EYS: variants seen among roughly 807,000 people sequenced by gnomAD.
EYS encodes EGF-like photoreceptor maintenance factor.
Under a neutral mutation model 282.1 loss-of-function variants are expected in EYS, and 250 were observed. That is an observed-to-expected ratio of 0.89 (90% CI 0.80 to 0.98). The LOEUF (loss-of-function observed/expected upper bound fraction) is 0.98, where lower values mean the gene tolerates loss of function less well. Ranked by LOEUF, EYS falls within the 50% of genes least tolerant of loss-of-function variation. The probability of loss-of-function intolerance (pLI) is 0.00; values close to 1 mark genes in which losing one functional copy is unlikely to be tolerated. For missense variants in EYS, 4,016 were observed against 3,709.0 expected (o/e 1.08, Z -2.15); for synonymous variants, 1,355 against 1,282.9 (o/e 1.06, Z -1.20).
intron 22 of EYS, among the ~76,000 whole-genome samples, chr6:64,803,647 C>T (rs1764333744): frequency 6.6e-6 from 1 of 152,176 alleles, no homozygotes; most frequent in African/African-American, 2.4e-5. Flanking sequence ...GGGGCGTCTG[C>T]AGGTCCATAG....
intron 13 of EYS, among the ~76,000 whole-genome samples, chr6:65,045,194 T>C (rs1251668672): frequency 1.3e-5 from 2 of 151,910 alleles, no homozygotes; most frequent in Non-Finnish European, 2.9e-5. Flanking sequence ...TTTGTGTGTG[T>C]GCTCTCCTAA....
chr6:64,274,241 T>A (rs1373510427), intron 30 of EYS, among the ~76,000 whole-genome samples: 1 of 152,182 alleles, frequency 6.6e-6, no homozygotes, highest in Non-Finnish European at 1.5e-5. Flanking sequence ...AGTAGTGTGA[T>A]CTCAGCTCAC....
At chr6:64,770,714 G>A (rs1461335923) in intron 22 of EYS, among the ~76,000 whole-genome samples, 1 of 151,814 alleles carries the variant, frequency 6.6e-6, no homozygotes, top group Non-Finnish European at 1.5e-5. Flanking sequence ...ATATTTCTAG[G>A]TGAATTATTA....
intron 29 of EYS, among the ~76,000 whole-genome samples, chr6:64,367,933 C>A (rs181714652): frequency 5.9e-5 from 9 of 152,178 alleles, no homozygotes; most frequent in Admixed American, 6.5e-5. Flanking sequence ...AGCCTGACAT[C>A]TTCTACTTTT....
chr6:64,641,188 T>C (rs1184507922), intron 22 of EYS, among the ~76,000 whole-genome samples: 2 of 152,088 alleles, frequency 1.3e-5, no homozygotes, highest in Non-Finnish European at 2.9e-5. Context: ...CTCACAATCA[T>C]AGCAGAAGGC....
rs143063999 is a variant in EYS, at chr6:63,812,897, C to A, written c.7229-6525G>T. Among the ~76,000 whole-genome samples the A allele has an allele frequency of 6.6e-3, 998 of 152,208 alleles. 11 individuals are homozygous for A. Among genetic ancestry groups the A allele is most frequent in the Non-Finnish European group, 6.1e-3 (414 of 68,018 alleles). On this transcript the variant is annotated intron_variant, in intron 36 of 42. Transcript: ENST00000503581. Reference sequence around the variant, plus strand: ...GCAATAATATGGAATCTTAATTCTTCTAGTGTGGGTAAAAATTCAGATAAT... The same window carrying A: ...GCAATAATATGGAATCTTAATTCTTATAGTGTGGGTAAAAATTCAGATAAT...
intron 12 of EYS, among the ~76,000 whole-genome samples, chr6:65,229,851 T>C (rs1766723212): frequency 6.6e-6 from 1 of 151,942 alleles, no homozygotes; most frequent in Admixed American, 6.6e-5. Context: ...CAATTCTCCT[T>C]TATTGTGAGG....
At chr6:65,002,258 A>G (rs1771489247) in intron 13 of EYS, among the ~76,000 whole-genome samples, 1 of 147,708 alleles carries the variant, frequency 6.8e-6, no homozygotes, top group Non-Finnish European at 1.5e-5. Context: ...AAATGATACA[A>G]TACTGACTTA....
At chr6:65,676,746 A>C (rs1288529902) in intron 1 of EYS, among the ~76,000 whole-genome samples, 1 of 151,794 alleles carries the variant, frequency 6.6e-6, no homozygotes, top group Admixed American at 6.6e-5. Flanking sequence ...TAGATTAAAA[A>C]CACTAGAAAA....
intron 22 of EYS, among the ~76,000 whole-genome samples, chr6:64,643,735 T>C (rs1768253864): frequency 6.6e-6 from 1 of 152,212 alleles, no homozygotes. Context: ...TCATTAGATA[T>C]GATAGTTTTA....
chr6:65,001,634 C>G (rs1272149632), intron 13 of EYS, among the ~76,000 whole-genome samples: 2 of 146,648 alleles, frequency 1.4e-5, no homozygotes, highest in African/African-American at 2.5e-5. Flanking sequence ...GAGGATGCGG[C>G]CTTTGCCAGG....
Position 64,745,003 on chromosome 6 carries a change from A to T in EYS, c.3443+68375T>A, listed in dbSNP as rs144794791. On this transcript the variant is annotated intron_variant, in intron 22 of 42. Coordinates refer to ENST00000503581, the MANE Select transcript of EYS (RefSeq NM_001142800.2). Reference sequence around the variant, plus strand: ...ATTTTCTTACTTCTCTAAAACTCTCATAAGCAGCATGAGGGGAAACAGTGT... The same window carrying T: ...ATTTTCTTACTTCTCTAAAACTCTCTTAAGCAGCATGAGGGGAAACAGTGT... Among the ~76,000 whole-genome samples the T allele has an allele frequency of 1.1e-4, 16 of 152,256 alleles. No individual in the cohort carries two copies. The East Asian group carries it at 2.5e-3, about 24-fold the overall frequency.
intron 10 of EYS, among the ~76,000 whole-genome samples, chr6:65,337,750 T>C (rs1348174027): frequency 6.6e-6 from 1 of 150,926 alleles, no homozygotes; most frequent in Non-Finnish European, 1.5e-5. Context: ...GCCTAATGTA[T>C]TATTTCTGCA....
At chr6:65,326,286 TAG>T (rs1769618571) in intron 11 of EYS, among the ~76,000 whole-genome samples, 1 of 151,928 alleles carries the variant, frequency 6.6e-6, no homozygotes, top group Admixed American at 6.6e-5. Context: ...CATTGTCTTT[TAG>T]AAAGCGATAG....
chr6:64,071,662 A>G lies in EYS; in HGVS notation c.6572-5171T>C, dbSNP rs114653901. Among the ~76,000 whole-genome samples the G allele has an allele frequency of 4.3e-3, 645 of 149,424 alleles. 5 individuals are homozygous for G. Among genetic ancestry groups the G allele is most frequent in the African/African-American group, 0.015 (619 of 40,780 alleles). ...CATTAGGTATATCTCCTAATTAGGT[A>G]TATCTCCTAATTAGGGATACCTCCT... On this transcript the variant is annotated intron_variant, in intron 32 of 42. Transcript: ENST00000503581.
Position 64,437,790 on chromosome 6 carries a change from C to T in EYS, c.5835+1372G>A, listed in dbSNP as rs570958053. 2.2e-4 allele frequency among the ~76,000 whole-genome samples: 33 copies of T among 149,234 alleles called. No homozygotes were observed. The East Asian group carries it at 5.7e-3, about 26-fold the overall frequency. On this transcript the variant is annotated intron_variant, in intron 27 of 42. Coordinates refer to ENST00000503581, the MANE Select transcript of EYS (RefSeq NM_001142800.2). Reference sequence around the variant, plus strand: ...TCTCCCAGGCAGGAGTGCCATGGTGCTATATATATATACATATTATATTAC... The same window carrying T: ...TCTCCCAGGCAGGAGTGCCATGGTGTTATATATATATACATATTATATTAC...
At chr6:65,218,448 T>A (rs143916413) in intron 12 of EYS, among the ~76,000 whole-genome samples, 261 of 152,232 alleles carry the variant, frequency 1.7e-3, no homozygotes, top group African/African-American at 6.1e-3. Context: ...TGATTTTGGT[T>A]TTGGATATGT....
At chr6:65,430,415 G>A (rs1417122698) in intron 5 of EYS, among the ~76,000 whole-genome samples, 1 of 152,122 alleles carries the variant, frequency 6.6e-6, no homozygotes, top group Non-Finnish European at 1.5e-5. Flanking sequence ...ACCTCACACT[G>A]AGGTCCAAAA....
intron 2 of EYS, among the ~76,000 whole-genome samples, chr6:65,588,403 G>C (rs1765126484): frequency 6.7e-6 from 1 of 149,684 alleles, no homozygotes; most frequent in Non-Finnish European, 1.5e-5. Context: ...ATGTGGCGGG[G>C]GGAGTATCTG....
Sources: allele counts gnomAD v4.1 joint callset (sites outside exome capture counted in the v4.1 genomes callset), GRCh38; gene constraint gnomAD v4.1.1; transcripts MANE v1.5; gene names NCBI Gene and HGNC (gene_info 2026-07-23, HGNC 2026-07-21).